TCF3: variants seen among roughly 807,000 people sequenced by gnomAD.
TCF3 encodes transcription factor E2-alpha.
In TCF3, 54 loss-of-function variants were observed where a neutral mutation model predicts 72.3. The ratio of observed to expected loss-of-function variants is 0.75; its 90% confidence interval spans 0.60 to 0.94. The LOEUF (loss-of-function observed/expected upper bound fraction) is 0.94, where lower values mean the gene tolerates loss of function less well. TCF3 is among the 40% of genes least tolerant of loss of function. The pLI, the probability that TCF3 is intolerant of heterozygous loss-of-function variation, is 0.00. For missense variants in TCF3, 1,078 were observed against 934.4 expected (o/e 1.15, Z -2.00); for synonymous variants, 525 against 412.6 (o/e 1.27, Z -3.30).
intron 5 of TCF3, among the ~76,000 whole-genome samples, chr19:1,631,270 ATTC>A (rs2063680110): frequency 7.0e-6 from 1 of 142,626 alleles, no homozygotes. Flanking sequence ...CTGAGTCTTC[ATTC>A]TTTTTTTTTT....
At chr19:1,648,661 CTGT>C (rs889650805) in intron 2 of TCF3, among the ~76,000 whole-genome samples, 8 of 152,254 alleles carry the variant, frequency 5.3e-5, no homozygotes, top group African/African-American at 1.9e-4. Flanking sequence ...GGCCCTTGGG[CTGT>C]TTTTTTCCGC....
chr19:1,619,265 G>A (rs1218739470), intron 15 of TCF3, 31 bp from the exon 16 acceptor site: 3 of 1,575,938 alleles, frequency 1.9e-6, no homozygotes, highest in Non-Finnish European at 2.6e-6. Flanking sequence ...GTGCATCAGG[G>A]GGAGCCGGGT....
intron 5 of TCF3, among the ~76,000 whole-genome samples, 173 bp from the exon 6 acceptor site, chr19:1,627,599 G>C (rs1299103045): frequency 6.6e-6 from 1 of 151,826 alleles, no homozygotes; most frequent in Non-Finnish European, 1.5e-5. Flanking sequence ...GGGAGCCCTG[G>C]CCCCAGTATG....
In TCF3 at chr19:1,645,111, G is replaced by A. The variant is rs1347515287; in HGVS notation, c.145+1244C>T. 3.3e-5 allele frequency among the ~76,000 whole-genome samples: 5 copies of A among 152,028 alleles called. No individual in the cohort carries two copies. In the East Asian group the frequency reaches 9.6e-4, roughly 29 times the overall value. On this transcript the variant is annotated intron_variant, in intron 3 of 18. Coordinates refer to ENST00000262965, the MANE Select transcript of TCF3 (RefSeq NM_003200.5). ...CAAAGCGATGTCTCTCCATGTGGGG[G>A]TGCAAGTGCCCAAGTACAGAACCCC...
At chr19:1,646,543 G>C in intron 2 of TCF3, 116 bp from the exon 3 acceptor site, 1 of 894,360 alleles carries the variant, frequency 1.1e-6, no homozygotes, top group South Asian at 1.6e-5. Context: ...CTGAGACTGC[G>C]CTCCATCTAG....
chr19:1,625,391 C>T (rs533431286), intron 7 of TCF3, among the ~76,000 whole-genome samples, 185 bp downstream of exon 7: 3 of 152,346 alleles, frequency 2.0e-5, no homozygotes, highest in African/African-American at 4.8e-5. Context: ...CCACGCCCGC[C>T]GGCCCCTGCC....
intron 18 of TCF3, chr19:1,612,457 T>C (rs1209883197): frequency 6.7e-7 from 1 of 1,499,384 alleles, no homozygotes. Context: ...CCGAGGCCTC[T>C]GTTAGTGATG....
rs775880875 is a variant in TCF3, at chr19:1,619,138, G to A, written c.1423C>T (p.Leu475=). 2.5e-6 allele frequency: 4 copies of A among 1,599,776 alleles called. No individual in the cohort carries two copies. Among genetic ancestry groups the A allele is most frequent in the East Asian group, 2.2e-5 (1 of 44,878 alleles). Residue 475 remains leucine, a synonymous_variant, in exon 16 of 19, where the codon CTG becomes TTG. Transcript: ENST00000262965. ...LPSQPGTLPD[L]SRPPDSYSGL... ...CTGTAGGAGTCGGGAGGCCGAGACA[G>A]GTCAGGGAGGGTGCCTGGCTGGCTG...
chr19:1,617,172 T>C (rs1275009976), intron 16 of TCF3, among the ~76,000 whole-genome samples: 1 of 152,206 alleles, frequency 6.6e-6, no homozygotes, highest in Non-Finnish European at 1.5e-5. Context: ...ACTTGGCTGC[T>C]TTGGAAAATA....
intron 5 of TCF3, among the ~76,000 whole-genome samples, chr19:1,630,621 C>CA (rs1257548010): frequency 6.6e-6 from 1 of 152,212 alleles, no homozygotes; most frequent in Non-Finnish European, 1.5e-5. Flanking sequence ...CGCACACCCC[C>CA]ACTGCACCAC....
chr19:1,622,089 T>G lies in TCF3; in HGVS notation c.787A>C (p.Ser263Arg). The G allele has an allele frequency of 6.2e-7, 1 of 1,606,696 alleles. No individual in the cohort carries two copies. Among genetic ancestry groups the G allele is most frequent in the Non-Finnish European group, 8.5e-7 (1 of 1,178,078 alleles). The change falls in exon 10 of 19, where the codon AGC (serine) becomes CGC (arginine). Residue 263 changes from serine to arginine, a missense_variant. By Grantham distance (110) the Ser-to-Arg change is moderately radical. Coordinates refer to ENST00000262965, the MANE Select transcript of TCF3 (RefSeq NM_003200.5). ...TGCTGGTGCAGGCCACCAAACGTGC[T>G]GCTGCTTCCACTGCTGCCCACCGGG... ...SGPVGSSGSS[S>R]TFGGLHQHER...
chr19:1,626,448 CAA>C (rs1416919148), intron 6 of TCF3, among the ~76,000 whole-genome samples: 10 of 132,778 alleles, frequency 7.5e-5, no homozygotes, highest in Non-Finnish European at 8.2e-5. Context: ...AACTCCGTCT[CAA>C]AAAAAAAAAA....
chr19:1,642,258 GCA>G (rs1019819285), intron 3 of TCF3, among the ~76,000 whole-genome samples: 9 of 149,466 alleles, frequency 6.0e-5, no homozygotes, highest in East Asian at 2.0e-4. Flanking sequence ...ACACACGTGC[GCA>G]CACACGCACG....
At chr19:1,640,202 T>C (rs1434203369) in intron 3 of TCF3, among the ~76,000 whole-genome samples, 2 of 151,588 alleles carry the variant, frequency 1.3e-5, no homozygotes, top group Non-Finnish European at 2.9e-5. Context: ...CCAGCACTTT[T>C]GGCACGGGTG....
rs1264322680 is a variant in TCF3, at chr19:1,646,370, G to T, written c.130C>A (p.Gln44Lys). The change falls in exon 3 of 19, where the codon CAG becomes AAG. Residue 44 changes from glutamine (Q) to lysine (K), a missense_variant. By Grantham distance (53) the Gln-to-Lys change is moderately conservative. Coordinates refer to ENST00000262965, the MANE Select transcript of TCF3 (RefSeq NM_003200.5). Reference sequence around the variant, plus strand: ...GGGGTCCTACCTGAACCTCCGAACTGCGCCCCGGCCAGGGAGGCGGGCCGG... The same window carrying T: ...GGGGTCCTACCTGAACCTCCGAACTTCGCCCCGGCCAGGGAGGCGGGCCGG... ...KGRPASLAGA[Q>K]FGGSGLEDRP... 1.9e-6 allele frequency: 3 copies of T among 1,550,362 alleles called. No individual in the cohort carries two copies. Among genetic ancestry groups the T allele is most frequent in the Non-Finnish European group, 2.6e-6 (3 of 1,146,696 alleles).
rs1303022211 is a variant in TCF3 at position 1,610,426 on chromosome 19, T to C, written c.*1281A>G. ...CTGGTGTAATGGGGACATGGTGGGG[T>C]GGGGTGGGGGGTGTCCTGTGCTGGC... On this transcript the variant is annotated 3_prime_UTR_variant, in exon 19 of 19. Coordinates refer to ENST00000262965, the MANE Select transcript of TCF3 (RefSeq NM_003200.5). The C allele has an allele frequency of 4.4e-6, 1 of 228,142 alleles. No individual in the cohort carries two copies. 14.1% of individuals were successfully genotyped at this position (228,142 alleles called of 1,614,324 possible).
intron 16 of TCF3, among the ~76,000 whole-genome samples, chr19:1,616,172 T>A (rs1473827298): frequency 6.6e-6 from 1 of 152,180 alleles, no homozygotes; most frequent in Non-Finnish European, 1.5e-5. Flanking sequence ...CTTAAAAATA[T>A]GGAACACTTC....
At chr19:1,632,477 C>A in intron 3 of TCF3, 72 bp from the exon 4 acceptor site, 1 of 1,492,064 alleles carries the variant, frequency 6.7e-7, no homozygotes, top group Non-Finnish European at 9.1e-7. Context: ...GGTTCATCAT[C>A]TCAGGGGCAA....
In TCF3 at chr19:1,637,078, C is replaced by A. The variant is rs561906917; in HGVS notation, c.146-4673G>T. On this transcript the variant is annotated intron_variant, in intron 3 of 18. Transcript: ENST00000262965. ...CGGGGACGCCTCGCAACCTCCTCCA[C>A]CAGCACGGGGGACAACCTCCTCCGC... 1.4e-4 allele frequency among the ~76,000 whole-genome samples: 22 copies of A among 152,308 alleles called. No homozygotes were observed. The South Asian group carries it at 3.5e-3, about 24-fold the overall frequency.
Sources: allele counts gnomAD v4.1 joint callset (sites outside exome capture counted in the v4.1 genomes callset), GRCh38; gene constraint gnomAD v4.1.1; transcripts MANE v1.5; gene names NCBI Gene and HGNC (gene_info 2026-07-23, HGNC 2026-07-21).